The following ZNF235 variants were observed in gnomAD, a reference collection of about 807,000 sequenced individuals.
ZNF235 encodes zinc finger protein 235, also known as zfp-93.
Under a neutral mutation model 29.4 loss-of-function variants are expected in ZNF235, and 25 were observed. The ratio of observed to expected loss-of-function variants is 0.85; its 90% CI spans 0.62 to 1.19. The LOEUF (loss-of-function observed/expected upper bound fraction) is 1.19, where lower values mean the gene tolerates loss of function less well. Ranked by LOEUF, ZNF235 falls within the 50% of genes most tolerant of loss-of-function variation. The pLI is 0.00. For synonymous variants in ZNF235, 300 were observed against 295.3 expected, an observed-to-expected ratio of 1.02 and a Z score of -0.16; for missense variants, 788 against 885.0, an observed-to-expected ratio of 0.89 and a Z score of 1.39.
intron 1 of ZNF235, among the ~76,000 whole-genome samples, chr19:44,304,467 G>A (rs951007425): frequency 6.6e-6 from 1 of 152,234 alleles, no homozygotes; most frequent in African/African-American, 2.4e-5. Flanking sequence ...AAGGATTAGA[G>A]AAGGGACAGC....
intron 4 of ZNF235, 130 bp downstream of exon 4, chr19:44,298,678 G>C (rs1175758719): frequency 4.5e-6 from 3 of 673,726 alleles, no homozygotes; most frequent in African/African-American, 3.6e-5. Flanking sequence ...TTAGAGGCTT[G>C]AGCCATCGCG....
At chr19:44,293,673 CAA>C (rs1314084707) in intron 4 of ZNF235, among the ~76,000 whole-genome samples, 2 of 151,808 alleles carry the variant, frequency 1.3e-5, no homozygotes, top group South Asian at 2.1e-4. Context: ...TGTTAGGTCA[CAA>C]AAAAAGTCTC....
chr19:44,295,538 A>G (rs1268857188), intron 4 of ZNF235, among the ~76,000 whole-genome samples: 2 of 152,184 alleles, frequency 1.3e-5, no homozygotes, highest in African/African-American at 2.4e-5. Context: ...TACAAATTCA[A>G]TGCAATGGCT....
rs747008866 is a variant in ZNF235, at chr19:44,287,210, T to C, written c.*8A>G. The stretch of plus-strand genomic sequence containing the variant: ...CTCTAACTGAAGGCTGAACCACACC[T>C]CTCATTTCTACAGATTCCCTCCAGT... On this transcript the variant is annotated 3_prime_UTR_variant, in exon 5 of 5. Transcript: ENST00000291182. 1 of 1,574,826 alleles carries C rather than the reference T, an allele frequency of 6.3e-7. No homozygotes were observed. Among genetic ancestry groups the C allele is most frequent in the Non-Finnish European group, 8.6e-7 (1 of 1,158,528 alleles).
intron 2 of ZNF235, 24 bp downstream of exon 2, chr19:44,303,366 A>C: frequency 6.2e-7 from 1 of 1,611,464 alleles, no homozygotes; most frequent in Non-Finnish European, 8.5e-7. Context: ...CATTTTAAGA[A>C]ACACAAAGGC....
chr19:44,303,102 G>A lies in ZNF235; in HGVS notation c.15+288C>T, dbSNP rs527306034. 6.7e-4 allele frequency among the ~76,000 whole-genome samples: 45 copies of A among 66,906 alleles called. No individual in the cohort carries two copies. The South Asian group carries it at 0.011, about 16-fold the overall frequency. The allele number at this position is 66,906 out of a possible 152,430, so 43.9% of individuals were successfully genotyped here. A position where few individuals can be genotyped will look rare whatever the true frequency, so the allele number is the denominator to read the frequency against. ...ATATAATACATATATACAAATATAC[G>A]TATATTTCTTATAAATATATACATA... is the stretch of plus-strand genomic sequence containing the variant. On this transcript the variant is annotated intron_variant, in intron 2 of 4. Coordinates refer to ENST00000291182, the MANE Select transcript of ZNF235 (RefSeq NM_004234.4).
rs1975489981 is a variant in ZNF235 at position 44,286,692 on chromosome 19, ATAAATT to A, written c.*520_*525del. 1 of 152,312 alleles carries A rather than the reference ATAAATT, an allele frequency of 6.6e-6. No individual in the cohort carries two copies. Among genetic ancestry groups the A allele is most frequent in the African/African-American group, 2.4e-5 (1 of 41,458 alleles). The allele number at this position is 152,312 out of a possible 1,614,324, so 9.4% of individuals were successfully genotyped here. On this transcript the variant is annotated 3_prime_UTR_variant, in exon 5 of 5. Coordinates refer to ENST00000291182, the MANE Select transcript of ZNF235 (RefSeq NM_004234.4). ...GGATTCCTTTTGAATATAAATTAAT[ATAAATT>A]TAGAGTAGAAAACAGACTAGAATTT...
rs1325610481 is a variant in ZNF235 at position 44,288,969 on chromosome 19, T to C, written c.466A>G (p.Asn156Asp). The change falls in exon 5 of 5, where the codon AAC becomes GAC. Residue 156 changes from asparagine to aspartate, a missense_variant. By Grantham distance (23) the Asn-to-Asp change is conservative. Coordinates refer to ENST00000291182, the MANE Select transcript of ZNF235 (RefSeq NM_004234.4). The part of the protein sequence containing the change: ...GESIQASVDD[N>D]CLVNHIGDHS... Reference sequence around the variant, plus strand: ...TCCCCTATGTGATTCACTAGACAGTTGTCATCCACAGAAGCTTGAATAGAT... The same window carrying C: ...TCCCCTATGTGATTCACTAGACAGTCGTCATCCACAGAAGCTTGAATAGAT... 1.2e-6 allele frequency: 2 copies of C among 1,613,934 alleles called. No homozygotes were observed. The highest frequency in any genetic ancestry group is 1.7e-4 in the Middle Eastern group (1 of 6,060).
At position 44,303,037 on chromosome 19, in the gene ZNF235, AT is replaced by A. The variant is rs1440010725; in HGVS notation, c.15+352del. ...ATATTTATATAAAATATACGTATAT[AT>A]TGTATACATTTATATAAAATATACG... On this transcript the variant is annotated intron_variant, in intron 2 of 4. Transcript: ENST00000291182. Among the ~76,000 whole-genome samples the A allele has an allele frequency of 1.9e-3, 265 of 137,896 alleles. 1 individual carries two copies. The highest frequency in any genetic ancestry group is 6.8e-3 in the African/African-American group (253 of 37,236). The allele number at this position is 137,896 out of a possible 152,430, so 90.5% of individuals were successfully genotyped here. A position where few individuals can be genotyped will look rare whatever the true frequency, so the allele number is the denominator to read the frequency against.
intron 4 of ZNF235, chr19:44,297,052 T>C (rs1367332436): frequency 6.6e-6 from 1 of 152,182 alleles, no homozygotes; most frequent in Admixed American, 6.5e-5. Context: ...CATAACCTTA[T>C]ACCTTAAGGA....
At chr19:44,293,885 CA>C in intron 4 of ZNF235, among the ~76,000 whole-genome samples, 1 of 150,986 alleles carries the variant, frequency 6.6e-6, no homozygotes, top group East Asian at 1.9e-4. Flanking sequence ...TACAATATAC[CA>C]AAACCTCTGG....
At position 44,288,000 on chromosome 19, in the gene ZNF235, G is replaced by A. The variant is rs1433617755; in HGVS notation, c.1435C>T (p.Arg479Ter). 6.2e-6 allele frequency: 10 copies of A among 1,612,116 alleles called. No homozygotes were observed. The highest frequency in any genetic ancestry group is 2.2e-5 in the South Asian group (2 of 90,966). Residue 479 changes from arginine to a stop codon, truncating the protein, a stop_gained, in exon 5 of 5, where the codon CGA becomes TGA. Transcript: ENST00000291182. LOFTEE classifies it high-confidence loss of function. ...SLSFNLHSHQRVHTGEKPYKC... is the reference protein window; with the variant it reads ...SLSFNLHSHQ ...TATGGTTTTTCTCCTGTGTGGACTCGTTGATGACTATGAAGATTAAAGCTC... is the reference window on the plus strand; with the variant it reads ...TATGGTTTTTCTCCTGTGTGGACTCATTGATGACTATGAAGATTAAAGCTC...
At chr19:44,294,257 A>G (rs1053593509) in intron 4 of ZNF235, among the ~76,000 whole-genome samples, 8 of 152,280 alleles carry the variant, frequency 5.3e-5, no homozygotes, top group African/African-American at 1.9e-4. Flanking sequence ...AAACATGATC[A>G]GACACTCTTA....
chr19:44,303,043 TAC>T (rs1317615358), intron 2 of ZNF235, among the ~76,000 whole-genome samples: 1 of 140,018 alleles, frequency 7.1e-6, no homozygotes, highest in Non-Finnish European at 1.5e-5. Flanking sequence ...ATATATTGTA[TAC>T]ATTTATATAA....
At chr19:44,304,766 A>C in intron 1 of ZNF235, 1 of 985,510 alleles carries the variant, frequency 1.0e-6, no homozygotes, top group South Asian at 4.7e-5. Flanking sequence ...CTAGGGCAGC[A>C]GACCCTCAAC....
chr19:44,301,873 T>A (rs1332597459), intron 2 of ZNF235, among the ~76,000 whole-genome samples: 2 of 152,310 alleles, frequency 1.3e-5, no homozygotes, highest in South Asian at 4.1e-4. Context: ...CCTGTCTCTT[T>A]ATGTTTAAAA....
At position 44,288,023 on chromosome 19, in the gene ZNF235, C is replaced by A. The variant is rs1568642766; in HGVS notation, c.1412G>T (p.Ser471Ile). 1 of 1,613,984 alleles carries A rather than the reference C, an allele frequency of 6.2e-7. No homozygotes were observed. The highest frequency in any genetic ancestry group is 8.5e-7 in the Non-Finnish European group (1 of 1,179,988). The change falls in exon 5 of 5, where the codon AGC (serine) becomes ATC (isoleucine). Residue 471 changes from serine to isoleucine, a missense_variant. Transcript: ENST00000291182. The part of the protein sequence containing the change: ...CDECGKCFSL[S>I]FNLHSHQRVH... ...TCGTTGATGACTATGAAGATTAAAG[C>A]TCAAACTAAAGCACTTACCACACTC...
intron 2 of ZNF235, among the ~76,000 whole-genome samples, chr19:44,302,034 A>G (rs1599894012): frequency 6.6e-6 from 1 of 152,246 alleles, no homozygotes; most frequent in Non-Finnish European, 1.5e-5. Flanking sequence ...TAACTATAAT[A>G]CAAGGTTTTA....
intron 1 of ZNF235, among the ~76,000 whole-genome samples, 161 bp from the exon 2 acceptor site, chr19:44,303,613 C>A (rs1975787623): frequency 6.6e-6 from 1 of 152,166 alleles, no homozygotes; most frequent in Non-Finnish European, 1.5e-5. Context: ...TACCCCTCGG[C>A]CCCCTCAACC....
Sources: allele counts gnomAD v4.1 joint callset (sites outside exome capture counted in the v4.1 genomes callset), GRCh38; gene constraint gnomAD v4.1.1; transcripts MANE v1.5; gene names NCBI Gene and HGNC (gene_info 2026-07-23, HGNC 2026-07-21).